The following ATP8A1 variants were observed in gnomAD, a reference collection of about 807,000 sequenced individuals.
The protein encoded by ATP8A1 is ATPase phospholipid transporting 8A1.
In ATP8A1, 90 loss-of-function variants were observed where a neutral mutation model predicts 177.7. The observed-to-expected ratio is 0.51, with a 90% CI of 0.43 to 0.60. ATP8A1 has a LOEUF of 0.60. ATP8A1 is among the 20% of genes least tolerant of loss of function. ATP8A1 has a pLI of 0.00. For missense variants in ATP8A1, 1,072 were observed against 1,392.8 expected, an observed-to-expected ratio of 0.77 and a Z score of 3.67; for synonymous variants, 493 against 485.9, an observed-to-expected ratio of 1.01 and a Z score of -0.19.
At chr4:42,476,388 T>TGAGG in intron 25 of ATP8A1, among the ~76,000 whole-genome samples, 1 of 152,212 alleles carries the variant, frequency 6.6e-6, no homozygotes, top group Non-Finnish European at 1.5e-5. Flanking sequence ...TGAGGCTGAG[T>TGAGG]CGGGCGGATC....
intron 15 of ATP8A1, chr4:42,556,324 A>T (rs1309954706): frequency 4.2e-6 from 1 of 235,862 alleles, no homozygotes; most frequent in Non-Finnish European, 8.1e-6. Flanking sequence ...TAAAATTTGT[A>T]AAAATATAAA....
At chr4:42,551,050 C>G (rs1273946973) in intron 18 of ATP8A1, 148 bp downstream of exon 18, 3 of 629,992 alleles carry the variant, frequency 4.8e-6, no homozygotes, top group Non-Finnish European at 8.5e-6. Context: ...GTATAAATGC[C>G]TAAAGAAATA....
chr4:42,533,570 C>G (rs970752351), intron 20 of ATP8A1, among the ~76,000 whole-genome samples: 33 of 152,126 alleles, frequency 2.2e-4, no homozygotes, highest in African/African-American at 7.2e-4. Flanking sequence ...TCTACCTGCC[C>G]TGGTAGCCCA....
At chr4:42,575,754 A>C (rs1732381982) in intron 12 of ATP8A1, 55 bp from the exon 13 acceptor site, 1 of 1,440,648 alleles carries the variant, frequency 6.9e-7, no homozygotes, top group Admixed American at 1.8e-5. Flanking sequence ...GAATTGGGTG[A>C]AACTTTAAAA....
At chr4:42,617,539 G>C (rs1737043710) in intron 4 of ATP8A1, among the ~76,000 whole-genome samples, 2 of 152,144 alleles carry the variant, frequency 1.3e-5, no homozygotes, top group Non-Finnish European at 2.9e-5. Context: ...CTTTTTGCTT[G>C]TTAGTAGAGA....
At chr4:42,523,604 C>A (rs1281514000) in intron 21 of ATP8A1, among the ~76,000 whole-genome samples, 1 of 152,080 alleles carries the variant, frequency 6.6e-6, no homozygotes, top group Non-Finnish European at 1.5e-5. Flanking sequence ...GAAGTGTCAT[C>A]CAGCCCAGGG....
chr4:42,647,231 T>G (rs1311679854), intron 1 of ATP8A1, among the ~76,000 whole-genome samples: 1 of 152,228 alleles, frequency 6.6e-6, no homozygotes, highest in East Asian at 1.9e-4. Context: ...CATATGTATT[T>G]CTAACAAGCT....
At chr4:42,580,874 T>C (rs533138141) in intron 10 of ATP8A1, among the ~76,000 whole-genome samples, 1 of 152,306 alleles carries the variant, frequency 6.6e-6, no homozygotes, top group East Asian at 1.9e-4. Flanking sequence ...TAGCCTTACA[T>C]ATAAATGCTA....
Position 42,522,181 on chromosome 4 carries a change from C to G in ATP8A1, c.1926G>C (p.Glu642Asp). The G allele has an allele frequency of 1.9e-6, 3 of 1,612,132 alleles. No individual in the cohort carries two copies. The highest frequency in any genetic ancestry group is 2.5e-6 in the Non-Finnish European group (3 of 1,179,556). ...GTACCTTTTCAATCAACTCATAACT[C>G]TCTTCGAGTTTGAGTAGCCTGTTCT... The part of the protein sequence containing the change: ...SVQNRLLKLE[E>D]SYELIEKNLQ... The change falls in exon 22 of 37, where the codon GAG becomes GAC. Residue 642 changes from glutamate to aspartate, a missense_variant. By Grantham distance (45) the Glu-to-Asp change is conservative. Transcript: ENST00000381668.
At chr4:42,529,982 A>G (rs549727788) in intron 20 of ATP8A1, among the ~76,000 whole-genome samples, 1 of 152,286 alleles carries the variant, frequency 6.6e-6, no homozygotes, top group East Asian at 1.9e-4. Flanking sequence ...ATGTGGATGG[A>G]CCTCTGAGTG....
chr4:42,474,248 G>A (rs766727380), intron 25 of ATP8A1, among the ~76,000 whole-genome samples: 1 of 152,160 alleles, frequency 6.6e-6, no homozygotes, highest in African/African-American at 2.4e-5. Context: ...TGAGCGGCAT[G>A]GAGGAAAAGA....
intron 12 of ATP8A1, 51 bp from the exon 13 acceptor site, chr4:42,575,750 G>T: frequency 1.4e-6 from 2 of 1,476,096 alleles, no homozygotes; most frequent in Non-Finnish European, 1.9e-6. Context: ...TAAGGAATTG[G>T]GTGAAACTTT....
chr4:42,478,306 G>A (rs1578015191), intron 25 of ATP8A1, among the ~76,000 whole-genome samples: 1 of 152,082 alleles, frequency 6.6e-6, no homozygotes, highest in Admixed American at 6.5e-5. Flanking sequence ...CGTACGTAGA[G>A]GTTGCAGTGA....
chr4:42,519,454 C>A (rs751021864), intron 22 of ATP8A1, among the ~76,000 whole-genome samples: 42 of 152,148 alleles, frequency 2.8e-4, no homozygotes, highest in Non-Finnish European at 5.7e-4. Context: ...GTAAAATAAT[C>A]CTTGGAGGCC....
chr4:42,594,879 C>A (rs1339993106), intron 6 of ATP8A1, among the ~76,000 whole-genome samples: 5 of 152,096 alleles, frequency 3.3e-5, no homozygotes, highest in African/African-American at 1.2e-4. Flanking sequence ...TGACTGTCTG[C>A]AAATCCTGAT....
chr4:42,620,137 A>G (rs1737320587), intron 4 of ATP8A1, among the ~76,000 whole-genome samples: 1 of 152,232 alleles, frequency 6.6e-6, no homozygotes, highest in Admixed American at 6.5e-5. Flanking sequence ...TGAACGGATG[A>G]ATGAAAAGAT....
chr4:42,435,456 A>AAAAAAAAAAAAAAAAAAAAC (rs1560320569), intron 33 of ATP8A1, among the ~76,000 whole-genome samples: 10 of 101,068 alleles, frequency 9.9e-5, no homozygotes, highest in African/African-American at 3.2e-4. Flanking sequence ...AAAACAAAAA[A>AAAAAAAAAAAAAAAAAAAAC]AAAAAAACAA....
At chr4:42,563,747 C>T (rs988604449) in intron 15 of ATP8A1, among the ~76,000 whole-genome samples, 4 of 152,182 alleles carry the variant, frequency 2.6e-5, no homozygotes, top group African/African-American at 7.2e-5. Context: ...GTGGAAGCCC[C>T]AAGTCTTGGC....
chr4:42,509,846 T>C (rs1424700927), intron 22 of ATP8A1, among the ~76,000 whole-genome samples: 1 of 94,242 alleles, frequency 1.1e-5, no homozygotes, highest in African/African-American at 5.0e-5. Flanking sequence ...AGCGAGACAG[T>C]CTCAAAAAAA....
Sources: allele counts gnomAD v4.1 joint callset (sites outside exome capture counted in the v4.1 genomes callset), GRCh38; gene constraint gnomAD v4.1.1; transcripts MANE v1.5; gene names NCBI Gene and HGNC (gene_info 2026-07-23, HGNC 2026-07-21).